The following ACSS2 variants were observed in gnomAD, a reference collection of about 807,000 sequenced individuals.
ACSS2 encodes the protein acetyl-coenzyme A synthetase, cytoplasmic.
In ACSS2, 58 loss-of-function variants were observed where a neutral mutation model predicts 90.6. The observed-to-expected ratio is 0.64, with a 90% CI of 0.52 to 0.80. The LOEUF is 0.80. Ranked by LOEUF, ACSS2 falls within the 30% of genes least tolerant of loss-of-function variation. The pLI is 0.00. For synonymous variants in ACSS2, 300 were observed against 330.9 expected (o/e 0.91, Z 1.01); for missense variants, 759 against 912.0 (o/e 0.83, Z 2.16).
At chr20:34,919,366 G>T (rs2081143063) in intron 7 of ACSS2, 69 bp from the exon 8 acceptor site, 36 of 1,589,084 alleles carry the variant, frequency 2.3e-5, no homozygotes, top group Non-Finnish European at 3.1e-5. Flanking sequence ...TTCCCTCCAG[G>T]GGCAAGGTAC....
intron 1 of ACSS2, among the ~76,000 whole-genome samples, chr20:34,880,728 T>C (rs1293993502): frequency 2.6e-5 from 4 of 152,154 alleles, no homozygotes; most frequent in African/African-American, 9.7e-5. Context: ...ACTAGTTTTC[T>C]AGGTATATAA....
chr20:34,878,240 G>T (rs74773520), intron 1 of ACSS2, among the ~76,000 whole-genome samples: 3,903 of 152,278 alleles, frequency 0.026, 157 homozygotes, highest in African/African-American at 0.085. Flanking sequence ...CCTAGCCAAG[G>T]AGTCAAAATT....
At chr20:34,914,262 G>T (rs2081030682) in intron 6 of ACSS2, 61 bp from the exon 7 acceptor site, 4 of 1,601,772 alleles carry the variant, frequency 2.5e-6, no homozygotes, top group Admixed American at 3.4e-5. Context: ...GACATGGGTG[G>T]GTCTTGCCAA....
chr20:34,903,800 G>T (rs1024555005), intron 2 of ACSS2, among the ~76,000 whole-genome samples: 1 of 151,480 alleles, frequency 6.6e-6, no homozygotes, highest in Non-Finnish European at 1.5e-5. Flanking sequence ...TACTCTGGAG[G>T]CTGAGGTGGG....
intron 3 of ACSS2, 57 bp downstream of exon 3, chr20:34,913,244 C>T: frequency 6.3e-7 from 1 of 1,584,446 alleles, no homozygotes; most frequent in Non-Finnish European, 8.7e-7. Context: ...ATCTGAGTAT[C>T]TGAGACTTAT....
chr20:34,881,947 T>G (rs555648348), intron 1 of ACSS2, among the ~76,000 whole-genome samples: 1 of 152,194 alleles, frequency 6.6e-6, no homozygotes. Flanking sequence ...AATGCACGAA[T>G]TAAGAGAAGA....
intron 2 of ACSS2, among the ~76,000 whole-genome samples, chr20:34,886,284 T>C (rs2080189852): frequency 6.6e-6 from 1 of 152,184 alleles, no homozygotes; most frequent in Non-Finnish European, 1.5e-5. Context: ...TGTGGTTATA[T>C]TTCCTTTTAT....
At chr20:34,884,607 A>G (rs1401612447) in intron 2 of ACSS2, among the ~76,000 whole-genome samples, 3 of 152,190 alleles carry the variant, frequency 2.0e-5, no homozygotes, top group Admixed American at 2.0e-4. Context: ...TTATTATACT[A>G]CCATTGCTTA....
intron 2 of ACSS2, chr20:34,912,542 C>T (rs997916142): frequency 1.2e-5 from 2 of 161,390 alleles, no homozygotes; most frequent in Non-Finnish European, 2.8e-5. Context: ...CTTGGCCTTC[C>T]AAAGTGCTGG....
At chr20:34,902,312 TAATAA>T (rs1568980086) in intron 2 of ACSS2, among the ~76,000 whole-genome samples, 1 of 152,136 alleles carries the variant, frequency 6.6e-6, no homozygotes, top group African/African-American at 2.4e-5. Flanking sequence ...TTAATTCTAT[TAATAA>T]TATTAACAAT....
intron 2 of ACSS2, among the ~76,000 whole-genome samples, chr20:34,899,466 C>CCTTT (rs1403945665): frequency 7.3e-6 from 1 of 136,288 alleles, no homozygotes; most frequent in Admixed American, 7.3e-5. Flanking sequence ...TTCCTTCCTT[C>CCTTT]CTTTCTTTTT....
At chr20:34,878,864 T>A (rs1469699766) in intron 1 of ACSS2, among the ~76,000 whole-genome samples, 1 of 152,104 alleles carries the variant, frequency 6.6e-6, no homozygotes, top group African/African-American at 2.4e-5. Context: ...GTTCCCTGTT[T>A]CTGGCAGTTT....
chr20:34,909,436 G>C (rs983119478), intron 2 of ACSS2, among the ~76,000 whole-genome samples: 14 of 152,044 alleles, frequency 9.2e-5, no homozygotes, highest in African/African-American at 3.4e-4. Context: ...ATGATATCAA[G>C]GTATATTGTT....
At chr20:34,889,808 G>T (rs1331523405) in intron 2 of ACSS2, among the ~76,000 whole-genome samples, 1 of 152,170 alleles carries the variant, frequency 6.6e-6, no homozygotes, top group Admixed American at 6.5e-5. Context: ...ACTTGGATTG[G>T]GTCTGGGGAG....
chr20:34,914,502 T>A, intron 7 of ACSS2, 65 bp downstream of exon 7: 1 of 1,400,492 alleles, frequency 7.1e-7, no homozygotes, highest in Non-Finnish European at 9.7e-7. Context: ...GCCTAGAAAA[T>A]TCTTGATGTC....
At chr20:34,882,702 A>T (rs1006360303) in intron 1 of ACSS2, 92 bp from the exon 2 acceptor site, 24 of 1,195,172 alleles carry the variant, frequency 2.0e-5, no homozygotes, top group Non-Finnish European at 2.8e-5. Context: ...CAAGGAAGTT[A>T]TAATTTGGTC....
chr20:34,896,739 A>G (rs1468744215), intron 2 of ACSS2, among the ~76,000 whole-genome samples: 1 of 152,198 alleles, frequency 6.6e-6, no homozygotes, highest in Non-Finnish European at 1.5e-5. Flanking sequence ...TAAGTGCCCA[A>G]GTGTTGTCTT....
Position 34,921,153 on chromosome 20 carries a change from C to T in ACSS2, c.1277+14C>T, listed in dbSNP as rs199623429. On this transcript the variant is annotated intron_variant, in intron 10 of 17. Coordinates refer to ENST00000360596, the MANE Select transcript of ACSS2 (RefSeq NM_018677.4). ...GCCTGTCACCAAGTGAGACCTCTTCCCAGTTGCTGCCCTGTGGGTATCCCT... is the reference window on the plus strand; with the variant it reads ...GCCTGTCACCAAGTGAGACCTCTTCTCAGTTGCTGCCCTGTGGGTATCCCT... The T allele has an allele frequency of 1.9e-6, 3 of 1,614,168 alleles. No homozygotes were observed. The Admixed American group carries it at 5.0e-5, about 27-fold the overall frequency.
chr20:34,893,828 A>G (rs766359405), intron 2 of ACSS2, among the ~76,000 whole-genome samples: 7 of 152,138 alleles, frequency 4.6e-5, no homozygotes, highest in East Asian at 3.9e-4. Context: ...GGTCTGGTCT[A>G]CTTATGGTTT....
Sources: gnomAD v4.1 joint callset for allele counts (sites outside exome capture counted in the v4.1 genomes callset) on GRCh38, gnomAD v4.1.1 for gene constraint, MANE v1.5 for transcripts, NCBI Gene and HGNC (gene_info 2026-07-23, HGNC 2026-07-21) for gene names.